The following MYOM1 variants were observed in gnomAD, a reference collection of about 807,000 sequenced individuals.
The protein encoded by MYOM1 is myomesin-1.
MYOM1 carries 164 observed loss-of-function variants against 205.3 expected under a neutral mutation model. The ratio of observed to expected loss-of-function variants is 0.80; its 90% CI spans 0.70 to 0.91. The LOEUF is 0.91. MYOM1 is among the 40% of genes least tolerant of loss of function. The pLI, the probability that MYOM1 is intolerant of heterozygous loss-of-function variation, is 0.00. For synonymous variants in MYOM1, 772 were observed against 789.4 expected, an observed-to-expected ratio of 0.98 and a Z score of 0.37; for missense variants, 2,011 against 2,127.3, an observed-to-expected ratio of 0.95 and a Z score of 1.08.
the MYOM1 span, chr18:3,245,988 A>G: frequency 2.0e-5 from 3 of 152,198 alleles, no homozygotes; most frequent in Admixed American, 2.0e-4. Context: ...TCCGGAAAGC[A>G]TAAGCCACAG....
intron 19 of MYOM1, 101 bp downstream of exon 19, chr18:3,126,600 G>A: frequency 9.8e-7 from 1 of 1,015,758 alleles, no homozygotes; most frequent in South Asian, 2.0e-5. Context: ...CTGGAGAAAT[G>A]ACGTGACTCT....
chr18:3,083,823 A>T lies in MYOM1; in HGVS notation c.4450T>A (p.Tyr1484Asn). 1 of 1,579,180 alleles carries T rather than the reference A, an allele frequency of 6.3e-7. No homozygotes were observed. Among genetic ancestry groups the T allele is most frequent in the Non-Finnish European group, 8.6e-7 (1 of 1,161,132 alleles). Reference protein sequence around the residue: ...GIQLYSFVTYYVEDLKVNWSH... With the variant: ...GIQLYSFVTYNVEDLKVNWSH... ...CAGTTAACTTTCAAATCCTCCACAT[A>T]GTAAGTTACAAAAGAGTACAGTTGG... The change falls in exon 33 of 38, where the codon TAT (tyrosine) becomes AAT (asparagine). Residue 1484 changes from tyrosine (Y) to asparagine (N), a missense_variant. Physicochemically the swap from Tyr to Asn is moderately radical, Grantham distance 143. Transcript: ENST00000356443.
chr18:3,129,255 G>C lies in MYOM1; in HGVS notation c.2771C>G (p.Pro924Arg). The change falls in exon 18 of 38, where the codon CCC (proline) becomes CGC (arginine). Residue 924 changes from proline (P) to arginine (R), a missense_variant. Pro to Arg is a moderately radical substitution (Grantham distance 103, BLOSUM62 -2). Coordinates refer to ENST00000356443, the MANE Select transcript of MYOM1 (RefSeq NM_003803.4). Reference protein sequence around the residue: ...AAPQGKSKSDPLKKKTDRAPP... With the variant: ...AAPQGKSKSDRLKKKTDRAPP... ...ACCTCTGTCTGTCTTCTTTTTCAGG[G>C]GGTCAGACTTACTTTTCCCCTGAGG... 1 of 1,613,730 alleles carries C rather than the reference G, an allele frequency of 6.2e-7. No individual in the cohort carries two copies. The highest frequency in any genetic ancestry group is 8.5e-7 in the Non-Finnish European group (1 of 1,179,790).
chr18:3,178,099 T>G (rs1446711028), intron 5 of MYOM1, among the ~76,000 whole-genome samples: 2 of 152,198 alleles, frequency 1.3e-5, no homozygotes, highest in Non-Finnish European at 2.9e-5. Flanking sequence ...TAAACCATTT[T>G]CTGCCCAAAA....
chr18:3,095,112 C>T (rs1259909311), intron 25 of MYOM1, among the ~76,000 whole-genome samples: 4 of 152,158 alleles, frequency 2.6e-5, no homozygotes, highest in Non-Finnish European at 2.9e-5. Context: ...CAGTGTGATA[C>T]ATTCATTCCA....
chr18:3,156,103 G>A (rs2080298341), intron 10 of MYOM1, among the ~76,000 whole-genome samples: 1 of 152,150 alleles, frequency 6.6e-6, no homozygotes, highest in Non-Finnish European at 1.5e-5. Context: ...GGAGAGAAGG[G>A]GGAATGAAAA....
At chr18:3,169,076 A>G in intron 8 of MYOM1, 95 bp from the exon 9 acceptor site, 1 of 1,107,260 alleles carries the variant, frequency 9.0e-7, no homozygotes, top group Non-Finnish European at 1.3e-6. Flanking sequence ...TCACAGCAAA[A>G]AAAAAATGAA....
intron 1 of MYOM1, among the ~76,000 whole-genome samples, chr18:3,215,513 G>C (rs2081253926): frequency 6.6e-6 from 1 of 152,146 alleles, no homozygotes; most frequent in Non-Finnish European, 1.5e-5. Flanking sequence ...TGAGGCAGGA[G>C]GATTGCTTGA....
chr18:3,094,198 A>G lies in MYOM1; in HGVS notation c.3836T>C (p.Phe1279Ser). Residue 1279 changes from phenylalanine (F) to serine (S), a missense_variant, in exon 26 of 38, where the codon TTT becomes TCT. Phe to Ser is a radical substitution (Grantham distance 155, BLOSUM62 -2). Transcript: ENST00000356443. ...GCCTTCAAAAATTTCCTTCTCGTTA[A>G]ATATGTAGTTGACTTTGGCATTGCC... ...LSGNAKVNYI[F>S]NEKEIFEGPK... is the part of the protein sequence containing the mutation. 1 of 1,614,008 alleles carries G rather than the reference A, an allele frequency of 6.2e-7. No individual in the cohort carries two copies. The highest frequency in any genetic ancestry group is 8.5e-7 in the Non-Finnish European group (1 of 1,179,888).
chr18:3,110,789 C>A (rs1342479109), intron 22 of MYOM1, among the ~76,000 whole-genome samples: 4 of 150,468 alleles, frequency 2.7e-5, no homozygotes, highest in African/African-American at 9.8e-5. Context: ...ATCCCATCAG[C>A]CCTAAAGATC....
intron 10 of MYOM1, among the ~76,000 whole-genome samples, chr18:3,160,133 CTCCT>C (rs2080368278): frequency 6.7e-6 from 1 of 149,878 alleles, no homozygotes; most frequent in Non-Finnish European, 1.5e-5. Context: ...CCTCCTCCTC[CTCCT>C]TCCTTTCCCT....
intron 26 of MYOM1, among the ~76,000 whole-genome samples, chr18:3,091,186 T>TGG (rs2079221014): frequency 1.3e-5 from 2 of 151,908 alleles, no homozygotes; most frequent in African/African-American, 4.8e-5. Flanking sequence ...TGTGGTGGGA[T>TGG]GCGCCTGTAA....
At chr18:3,200,951 G>A (rs759029250) in intron 2 of MYOM1, among the ~76,000 whole-genome samples, 2 of 152,156 alleles carry the variant, frequency 1.3e-5, no homozygotes, top group African/African-American at 2.4e-5. Context: ...TCAAACTGTT[G>A]AAAGTCAAAG....
chr18:3,146,880 T>TA (rs570551208), intron 13 of MYOM1, among the ~76,000 whole-genome samples: 1 of 151,582 alleles, frequency 6.6e-6, no homozygotes, highest in Non-Finnish European at 1.5e-5. Context: ...ATAAATTTCA[T>TA]AAAAAACCCT....
intron 2 of MYOM1, among the ~76,000 whole-genome samples, chr18:3,207,986 C>T (rs899057668): frequency 2.0e-5 from 3 of 152,180 alleles, no homozygotes; most frequent in Non-Finnish European, 4.4e-5. Context: ...TCAGTCTACA[C>T]ATCTATGAAA....
At chr18:3,105,155 G>T (rs535689367) in intron 22 of MYOM1, among the ~76,000 whole-genome samples, 3 of 152,184 alleles carry the variant, frequency 2.0e-5, no homozygotes, top group East Asian at 3.9e-4. Context: ...ACTATGAGCA[G>T]GAGCATTGAG....
At chr18:3,237,284 G>C in the MYOM1 span, among the ~76,000 whole-genome samples, 5 of 152,212 alleles carry the variant, frequency 3.3e-5, no homozygotes, top group South Asian at 8.3e-4. Context: ...TATACATATC[G>C]TGGAATATCA....
At chr18:3,094,394 A>G in intron 25 of MYOM1, 88 bp from the exon 26 acceptor site, 1 of 919,752 alleles carries the variant, frequency 1.1e-6, no homozygotes, top group East Asian at 2.8e-5. Flanking sequence ...AAAAAAAAAA[A>G]CCACACAATG....
intron 26 of MYOM1, 98 bp downstream of exon 26, chr18:3,094,072 C>CTCCA: frequency 7.9e-7 from 1 of 1,267,708 alleles, no homozygotes; most frequent in Non-Finnish European, 1.1e-6. Flanking sequence ...CACTCCACCA[C>CTCCA]CCAGCGGTTT....
Sources: allele counts gnomAD v4.1 joint callset (sites outside exome capture counted in the v4.1 genomes callset), GRCh38; gene constraint gnomAD v4.1.1; transcripts MANE v1.5; gene names NCBI Gene and HGNC (gene_info 2026-07-23, HGNC 2026-07-21).